PRELID2: variants seen among roughly 807,000 people sequenced by gnomAD.
The protein encoded by PRELID2 is PRELI domain containing 2.
PRELID2 carries 25 observed loss-of-function variants against 28.4 expected under a neutral mutation model. That is an observed-to-expected ratio of 0.88 (90% confidence interval 0.64 to 1.23). PRELID2 has a LOEUF of 1.23. Ranked by LOEUF, PRELID2 falls within the 50% of genes most tolerant of loss-of-function variation. The pLI, the probability that PRELID2 is intolerant of heterozygous loss-of-function variation, is 0.00. For synonymous variants in PRELID2, 76 were observed against 71.6 expected, an observed-to-expected ratio of 1.06 and a Z score of -0.31; for missense variants, 201 against 214.4, an observed-to-expected ratio of 0.94 and a Z score of 0.39.
intron 1 of PRELID2, among the ~76,000 whole-genome samples, chr5:145,646,609 A>C (rs965672840): frequency 4.9e-4 from 74 of 152,110 alleles, no homozygotes; most frequent in African/African-American, 1.7e-3. Flanking sequence ...TGGAGGAAAA[A>C]AGCCGTTCTG....
chr5:145,746,677 G>A (rs2149746944), intron 1 of PRELID2, among the ~76,000 whole-genome samples: 1 of 152,272 alleles, frequency 6.6e-6, no homozygotes, highest in East Asian at 1.9e-4. Flanking sequence ...TCTGAATCAA[G>A]TGGACTTAAC....
chr5:145,420,516 T>A, the PRELID2 span, among the ~76,000 whole-genome samples: 59 of 144,546 alleles, frequency 4.1e-4, no homozygotes, highest in Non-Finnish European at 9.1e-4. Flanking sequence ...AGTTCACTCA[T>A]GATTTGGCTC....
chr5:145,785,985 A>G (rs1258219984), intron 5 of PRELID2, among the ~76,000 whole-genome samples: 1 of 152,194 alleles, frequency 6.6e-6, no homozygotes, highest in Non-Finnish European at 1.5e-5. Context: ...TCATGGCCTG[A>G]GCACCCAAAA....
chr5:145,377,329 A>G, the PRELID2 span, among the ~76,000 whole-genome samples: 2 of 152,148 alleles, frequency 1.3e-5, no homozygotes, highest in Non-Finnish European at 2.9e-5. Context: ...GTTTTAGAGT[A>G]TGTGCAGATA....
chr5:145,690,852 G>C (rs1453713882), intron 1 of PRELID2, among the ~76,000 whole-genome samples: 4 of 151,962 alleles, frequency 2.6e-5, no homozygotes, highest in Admixed American at 2.0e-4. Flanking sequence ...GCAGGAACAT[G>C]ACTTCACGCA....
chr5:145,580,343 T>C (rs1362873250), intron 1 of PRELID2, among the ~76,000 whole-genome samples: 1 of 152,118 alleles, frequency 6.6e-6, no homozygotes, highest in East Asian at 1.9e-4. Flanking sequence ...GTTTATTTAA[T>C]AGCAGGAGAG....
At chr5:145,554,240 C>T (rs1385137793) in intron 1 of PRELID2, among the ~76,000 whole-genome samples, 3 of 152,066 alleles carry the variant, frequency 2.0e-5, no homozygotes, top group Non-Finnish European at 2.9e-5. Context: ...AAAACACTAA[C>T]GCAAATAGAA....
At chr5:145,465,895 CA>C in the PRELID2 span, among the ~76,000 whole-genome samples, 2 of 152,164 alleles carry the variant, frequency 1.3e-5, no homozygotes, top group African/African-American at 4.8e-5. Flanking sequence ...TTTCCTTTTC[CA>C]AAGTAAGATA....
chr5:145,615,578 G>T (rs186836580), intron 1 of PRELID2, among the ~76,000 whole-genome samples: 1 of 117,214 alleles, frequency 8.5e-6, no homozygotes, highest in Non-Finnish European at 1.7e-5. Context: ...TGCCCGCCTC[G>T]GCCTCCCAAA....
chr5:145,593,084 G>A (rs1753254279), intron 1 of PRELID2, among the ~76,000 whole-genome samples: 1 of 152,152 alleles, frequency 6.6e-6, no homozygotes, highest in Non-Finnish European at 1.5e-5. Context: ...AAAGAAAATG[G>A]ATGTAAGATC....
chr5:145,563,196 G>A (rs1215180075), intron 1 of PRELID2, among the ~76,000 whole-genome samples: 1 of 152,186 alleles, frequency 6.6e-6, no homozygotes, highest in Admixed American at 6.5e-5. Context: ...TGATATCACC[G>A]TTTAGGAGAG....
At chr5:145,234,617 T>A in the PRELID2 span, among the ~76,000 whole-genome samples, 13,807 of 152,144 alleles carry the variant, frequency 0.091, 1,364 homozygotes, top group African/African-American at 0.25. Flanking sequence ...CAACCCAAGA[T>A]CTTTCCTTGG....
chr5:145,693,466 T>TA (rs112047947), intron 1 of PRELID2, among the ~76,000 whole-genome samples: 27,498 of 149,024 alleles, frequency 0.18, 4,472 homozygotes, highest in African/African-American at 0.43. Flanking sequence ...TTCTTAAAAT[T>TA]AAAAAAAAAA....
intron 5 of PRELID2, among the ~76,000 whole-genome samples, chr5:145,793,079 C>G (rs942411239): frequency 1.3e-5 from 2 of 152,106 alleles, no homozygotes; most frequent in Non-Finnish European, 2.9e-5. Flanking sequence ...GATTTCCACT[C>G]CAGGAGGAAG....
At chr5:145,635,852 G>A (rs905390597) in intron 1 of PRELID2, among the ~76,000 whole-genome samples, 15 of 152,170 alleles carry the variant, frequency 9.9e-5, no homozygotes, top group African/African-American at 3.6e-4. Context: ...ATATCCATAG[G>A]TGATACCCAT....
At chr5:145,424,548 G>C in the PRELID2 span, among the ~76,000 whole-genome samples, 4 of 152,214 alleles carry the variant, frequency 2.6e-5, no homozygotes, top group Non-Finnish European at 4.4e-5. Context: ...GGAACTCCCT[G>C]ACCCCTTGCG....
At chr5:145,506,240 GCTTT>G (rs1325931491) in intron 1 of PRELID2, among the ~76,000 whole-genome samples, 2 of 152,042 alleles carry the variant, frequency 1.3e-5, no homozygotes, top group South Asian at 2.1e-4. Context: ...CATCAGAATG[GCTTT>G]CTTTCTGTTT....
In PRELID2 at chr5:145,697,062, TATATATATATATATATATAC is replaced by T. The variant is rs1233712818; in HGVS notation, n.70+67849_70+67868del. The stretch of plus-strand genomic sequence containing the variant: ...ATATATATATATATATATATATATA[TATATATATATATATATATAC>T]ACACACACACATATATATATGTATA... On this transcript the variant is annotated intron_variant and non_coding_transcript_variant, in intron 1 of 2. Transcript: ENST00000510259. Among the ~76,000 whole-genome samples, 53 of 119,884 alleles carry T rather than the reference TATATATATATATATATATAC, an allele frequency of 4.4e-4. 1 individual carries two copies. Among genetic ancestry groups the T allele is most frequent in the Middle Eastern group, 3.8e-3 (1 of 262 alleles). 78.6% of individuals were successfully genotyped at this position (119,884 alleles called of 152,430 possible).
At chr5:145,748,138 G>T (rs562852961) in intron 1 of PRELID2, among the ~76,000 whole-genome samples, 1 of 152,138 alleles carries the variant, frequency 6.6e-6, no homozygotes, top group South Asian at 2.1e-4. Context: ...ATTCAACATA[G>T]TATTGGAAGT....
Sources: gnomAD v4.1 joint callset for allele counts (sites outside exome capture counted in the v4.1 genomes callset) on GRCh38, gnomAD v4.1.1 for gene constraint, MANE v1.5 for transcripts, NCBI Gene and HGNC (gene_info 2026-07-23, HGNC 2026-07-21) for gene names.